The following HS3ST4 variants were observed in gnomAD, a reference collection of about 807,000 sequenced individuals.
HS3ST4 encodes the protein heparan sulfate-glucosamine 3-sulfotransferase 4.
A neutral mutation model predicts 29.2 loss-of-function variants in HS3ST4; 17 were observed. The observed-to-expected ratio is 0.58, with a 90% CI of 0.40 to 0.87. The LOEUF is 0.87. Ranked by LOEUF, HS3ST4 falls within the 40% of genes least tolerant of loss-of-function variation. The probability of loss-of-function intolerance (pLI) is 0.00; values close to 1 mark genes in which losing one functional copy is unlikely to be tolerated. For synonymous variants in HS3ST4, 314 were observed against 285.7 expected, an observed-to-expected ratio of 1.10 and a Z score of -1.00; for missense variants, 627 against 634.5, an observed-to-expected ratio of 0.99 and a Z score of 0.13.
At chr16:25,927,537 C>T (rs1968416807) in intron 1 of HS3ST4, among the ~76,000 whole-genome samples, 1 of 152,132 alleles carries the variant, frequency 6.6e-6, no homozygotes, top group African/African-American at 2.4e-5. Flanking sequence ...TGATCATGCT[C>T]AAGAAACTTA....
chr16:25,829,642 A>G (rs1461597869), intron 1 of HS3ST4, among the ~76,000 whole-genome samples: 4 of 150,602 alleles, frequency 2.7e-5, no homozygotes, highest in Non-Finnish European at 4.4e-5. Flanking sequence ...TCATTGTTCA[A>G]CTCCCACTTA....
intron 1 of HS3ST4, among the ~76,000 whole-genome samples, chr16:25,970,963 G>C (rs1968891458): frequency 6.6e-6 from 1 of 151,912 alleles, no homozygotes; most frequent in Non-Finnish European, 1.5e-5. Context: ...TGATTCTCCT[G>C]TCTCAGCCTC....
At chr16:25,704,435 T>C (rs1388552068) in intron 1 of HS3ST4, among the ~76,000 whole-genome samples, 1 of 152,164 alleles carries the variant, frequency 6.6e-6, no homozygotes, top group Admixed American at 6.5e-5. Flanking sequence ...TGAGCTCCCA[T>C]AGCAGGATGT....
chr16:26,047,747 AT>A (rs754903322), intron 1 of HS3ST4, among the ~76,000 whole-genome samples: 1 of 152,170 alleles, frequency 6.6e-6, no homozygotes, highest in Non-Finnish European at 1.5e-5. Flanking sequence ...ACGAAGATGC[AT>A]TTGCTGAACT....
chr16:25,889,177 C>T (rs76649836), intron 1 of HS3ST4, among the ~76,000 whole-genome samples: 8,553 of 152,224 alleles, frequency 0.056, 319 homozygotes, highest in East Asian at 0.17. Context: ...GGGAGTGCTC[C>T]GCAGCAGATA....
At chr16:26,124,008 G>C (rs7188324) in intron 1 of HS3ST4, among the ~76,000 whole-genome samples, 1 of 151,872 alleles carries the variant, frequency 6.6e-6, no homozygotes, top group Non-Finnish European at 1.5e-5. Flanking sequence ...GCAACTTGCG[G>C]CTCCCGGGTT....
chr16:26,117,593 A>G (rs1372915058), intron 1 of HS3ST4, among the ~76,000 whole-genome samples: 2 of 152,222 alleles, frequency 1.3e-5, no homozygotes, highest in African/African-American at 4.8e-5. Context: ...AGCCAGGGCT[A>G]AGAGTATGCA....
At chr16:25,715,127 C>A (rs1966443817) in intron 1 of HS3ST4, among the ~76,000 whole-genome samples, 1 of 151,598 alleles carries the variant, frequency 6.6e-6, no homozygotes. Context: ...TCGAGACCAT[C>A]CTGGCTAACA....
At chr16:25,814,632 C>T (rs899120164) in intron 1 of HS3ST4, among the ~76,000 whole-genome samples, 4 of 152,206 alleles carry the variant, frequency 2.6e-5, no homozygotes, top group African/African-American at 9.6e-5. Flanking sequence ...GGGTGAGCCA[C>T]AGCGCCCGGC....
intron 1 of HS3ST4, among the ~76,000 whole-genome samples, chr16:25,866,279 C>A (rs1196196333): frequency 6.6e-6 from 1 of 152,150 alleles, no homozygotes; most frequent in Non-Finnish European, 1.5e-5. Context: ...ACTTGTACTT[C>A]TAAGTAATGT....
chr16:26,023,063 A>G (rs1361721523), intron 1 of HS3ST4, among the ~76,000 whole-genome samples: 1 of 152,198 alleles, frequency 6.6e-6, no homozygotes, highest in African/African-American at 2.4e-5. Flanking sequence ...AGAAGAAAAA[A>G]AACCAACTGT....
At chr16:25,945,318 A>C (rs1968614373) in intron 1 of HS3ST4, among the ~76,000 whole-genome samples, 1 of 152,168 alleles carries the variant, frequency 6.6e-6, no homozygotes, top group Admixed American at 6.5e-5. Flanking sequence ...TATGTCTTGG[A>C]AGTATTTACA....
chr16:25,971,406 A>G (rs1181108276), intron 1 of HS3ST4, among the ~76,000 whole-genome samples: 2 of 152,104 alleles, frequency 1.3e-5, no homozygotes, highest in Admixed American at 1.3e-4. Flanking sequence ...CCACCCAAAC[A>G]TCGACTTCAG....
At chr16:25,868,872 G>T (rs1402060201) in intron 1 of HS3ST4, among the ~76,000 whole-genome samples, 2 of 152,102 alleles carry the variant, frequency 1.3e-5, no homozygotes, top group African/African-American at 4.8e-5. Context: ...TCTAGGTAGG[G>T]AGGTTCCCTG....
chr16:25,851,549 ACTGT>A (rs1217209390), intron 1 of HS3ST4, among the ~76,000 whole-genome samples: 7 of 152,094 alleles, frequency 4.6e-5, no homozygotes, highest in Non-Finnish European at 8.8e-5. Context: ...AGCTCCACAC[ACTGT>A]CTGTCCCTGC....
At chr16:25,943,377 G>A (rs1968593212) in intron 1 of HS3ST4, among the ~76,000 whole-genome samples, 1 of 152,192 alleles carries the variant, frequency 6.6e-6, no homozygotes, top group South Asian at 2.1e-4. Flanking sequence ...AGGTTACAAA[G>A]TGTAGAGTCT....
At chr16:25,773,302 C>G (rs1188900634) in intron 1 of HS3ST4, among the ~76,000 whole-genome samples, 1 of 152,120 alleles carries the variant, frequency 6.6e-6, no homozygotes, top group African/African-American at 2.4e-5. Context: ...ACTTTGGTGG[C>G]CTTCGATATT....
At chr16:25,805,211 A>T (rs1051946565) in intron 1 of HS3ST4, among the ~76,000 whole-genome samples, 5 of 152,192 alleles carry the variant, frequency 3.3e-5, no homozygotes, top group Admixed American at 2.6e-4. Context: ...CAAGCCACAG[A>T]TACACTTGAG....
chr16:26,060,068 G>A (rs1017878584), intron 1 of HS3ST4, among the ~76,000 whole-genome samples: 2 of 152,130 alleles, frequency 1.3e-5, no homozygotes, highest in Non-Finnish European at 2.9e-5. Flanking sequence ...GTGAGCCACT[G>A]CGCCCAGCCT....
Sources: gnomAD v4.1 joint callset for allele counts (sites outside exome capture counted in the v4.1 genomes callset) on GRCh38, gnomAD v4.1.1 for gene constraint, MANE v1.5 for transcripts, NCBI Gene and HGNC (gene_info 2026-07-23, HGNC 2026-07-21) for gene names.